The following COL12A1 variants were observed in gnomAD, a reference collection of about 807,000 sequenced individuals.
COL12A1 encodes the protein collagen alpha-1(XII) chain.
COL12A1 carries 114 observed loss-of-function variants against 349.7 expected under a neutral mutation model. The ratio of observed to expected loss-of-function variants is 0.33; its 90% CI spans 0.28 to 0.38. The LOEUF (loss-of-function observed/expected upper bound fraction) is 0.38. COL12A1 is among the 10% of genes least tolerant of loss of function. The pLI is 1.00. For missense variants in COL12A1, 3,284 were observed against 3,756.9 expected (o/e 0.87, Z 3.29); for synonymous variants, 1,369 against 1,329.0 (o/e 1.03, Z -0.66).
At chr6:75,087,054 A>G (rs1767533618) in intron 65 of COL12A1, 1 of 153,368 alleles carries the variant, frequency 6.5e-6, no homozygotes, top group African/African-American at 2.4e-5. Context: ...TACAATTGTC[A>G]AACACTAGAA....
At chr6:75,170,020 T>G (rs866678746) in intron 13 of COL12A1, among the ~76,000 whole-genome samples, 4 of 152,334 alleles carry the variant, frequency 2.6e-5, no homozygotes, top group Middle Eastern at 3.4e-3. Flanking sequence ...GATCTGAACA[T>G]CCTGAAGGGA....
At chr6:75,174,034 G>A (rs1768781097) in intron 13 of COL12A1, among the ~76,000 whole-genome samples, 1 of 152,126 alleles carries the variant, frequency 6.6e-6, no homozygotes, top group African/African-American at 2.4e-5. Flanking sequence ...AATTAAATTT[G>A]TATTTTCTCT....
rs2149395797 is a variant in COL12A1 at position 75,138,523 on chromosome 6, T to C, written c.5155A>G (p.Ile1719Val). 6.2e-7 allele frequency: 1 copy of C among 1,614,110 alleles called. No homozygotes were observed. The highest frequency in any genetic ancestry group is 8.5e-7 in the Non-Finnish European group (1 of 1,179,962). ...LVFENLNPNT[I>V]YEVSITAIYP... ...ATGGCAGTAATGGAAACTTCATAGA[T>C]GGTGTTGGGGTTCAGGTTTTCGAAC... Residue 1719 changes from isoleucine (I) to valine (V), a missense_variant, in exon 29 of 66, where the codon ATC (isoleucine) becomes GTC (valine). Ile to Val is a conservative substitution (Grantham distance 29). Transcript: ENST00000322507.
chr6:75,131,351 A>T (rs1188021424), intron 35 of COL12A1, among the ~76,000 whole-genome samples: 1 of 152,226 alleles, frequency 6.6e-6, no homozygotes, highest in African/African-American at 2.4e-5. Flanking sequence ...GTTGAAATAG[A>T]GACTCCATAC....
Position 75,189,334 on chromosome 6 carries a change from C to A in COL12A1, c.706G>T (p.Gly236Trp), listed in dbSNP as rs752768134. The change falls in exon 7 of 66, where the codon GGG (glycine) becomes TGG (tryptophan). Residue 236 changes from glycine to tryptophan, a missense_variant. Physicochemically the swap from Gly to Trp is radical, Grantham distance 184 (BLOSUM62 -2). Around this residue, in one of 2 missense-constraint regions of COL12A1, gnomAD observed 2,601 missense variants for 2,824.8 expected, o/e 0.92. Coordinates refer to ENST00000322507, the MANE Select transcript of COL12A1 (RefSeq NM_004370.6). The stretch of plus-strand genomic sequence containing the variant: ...ACTTTAGGAAAGCCAACTCTTGCCC[C>A]AGCAGATTCCGTGAAAGTATTTTTA... ...LVKNTFTESA[G>W]ARVGFPKVAI... 1.2e-6 allele frequency: 2 copies of A among 1,613,024 alleles called. No individual in the cohort carries two copies. Among genetic ancestry groups the A allele is most frequent in the South Asian group, 2.2e-5 (2 of 91,004 alleles).
chr6:75,151,768 G>A, intron 20 of COL12A1, 99 bp downstream of exon 20: 1 of 1,217,910 alleles, frequency 8.2e-7, no homozygotes, highest in Non-Finnish European at 1.1e-6. Context: ...GAAAAAAATG[G>A]GTATTTTTTT....
Position 75,151,155 on chromosome 6 carries a change from C to T in COL12A1, c.4133G>A (p.Ser1378Asn), listed in dbSNP as rs1033092764. The change falls in exon 21 of 66, where the codon AGT becomes AAT. Residue 1378 changes from serine (S) to asparagine (N), a missense_variant. Physicochemically the swap from Ser to Asn is conservative, Grantham distance 46. This residue lies in a region of COL12A1 where 2,601 missense variants were observed against 2,824.8 expected (regional missense o/e 0.92). Coordinates refer to ENST00000322507, the MANE Select transcript of COL12A1 (RefSeq NM_004370.6). The stretch of plus-strand genomic sequence containing the variant: ...GTTAAACTTACCTGGACCTTTGACA[C>T]TGTTACACAAATTAATGGTGAGATC... ...VDDLTINLCN[S>N]VKGPGDLEAP... is the part of the protein sequence containing the mutation. 1 of 1,581,528 alleles carries T rather than the reference C, an allele frequency of 6.3e-7. No homozygotes were observed. Among genetic ancestry groups the T allele is most frequent in the Non-Finnish European group, 8.6e-7 (1 of 1,160,096 alleles).
chr6:75,191,234 C>T (rs1403055887), intron 5 of COL12A1, among the ~76,000 whole-genome samples: 3 of 151,934 alleles, frequency 2.0e-5, no homozygotes, highest in Admixed American at 6.6e-5. Context: ...TAGAGAAGAG[C>T]ATAACATACA....
intron 26 of COL12A1, 78 bp downstream of exon 26, chr6:75,143,174 T>C: frequency 6.6e-7 from 1 of 1,509,792 alleles, no homozygotes; most frequent in Non-Finnish European, 9.1e-7. Flanking sequence ...CATGCTATCA[T>C]CCATACTTGA....
intron 8 of COL12A1, among the ~76,000 whole-genome samples, chr6:75,187,232 T>C (rs1769673971): frequency 2.7e-5 from 4 of 150,380 alleles, no homozygotes; most frequent in Admixed American, 2.7e-4. Flanking sequence ...AGATGCCACA[T>C]GGAAATCTGG....
intron 45 of COL12A1, 68 bp from the exon 46 acceptor site, chr6:75,119,254 A>T: frequency 1.9e-6 from 3 of 1,611,066 alleles, no homozygotes; most frequent in Non-Finnish European, 2.5e-6. Context: ...CATTAGTCAC[A>T]CCCAACTGAT....
chr6:75,204,762 G>A (rs1455939884), intron 1 of COL12A1, among the ~76,000 whole-genome samples: 3 of 151,898 alleles, frequency 2.0e-5, no homozygotes, highest in Admixed American at 6.6e-5. Context: ...CTTAACTCCC[G>A]CGTCCAGTTA....
At chr6:75,151,656 T>G (rs553638059) in intron 20 of COL12A1, among the ~76,000 whole-genome samples, 1 of 152,126 alleles carries the variant, frequency 6.6e-6, no homozygotes, top group Non-Finnish European at 1.5e-5. Context: ...TTCTTCTTGA[T>G]CTATTAATTT....
intron 51 of COL12A1, among the ~76,000 whole-genome samples, chr6:75,111,312 G>GA (rs1459236706): frequency 5.9e-5 from 9 of 151,694 alleles, no homozygotes; most frequent in Non-Finnish European, 1.3e-4. Flanking sequence ...CTTGTGAGGA[G>GA]AAAAAATAGG....
At chr6:75,147,581 A>G in intron 23 of COL12A1, 94 bp downstream of exon 23, 1 of 1,207,948 alleles carries the variant, frequency 8.3e-7, no homozygotes, top group Non-Finnish European at 1.2e-6. Context: ...TGAATGTTAA[A>G]TAAAGAAATT....
chr6:75,205,000 C>T (rs1202916012), intron 1 of COL12A1, among the ~76,000 whole-genome samples: 1 of 151,984 alleles, frequency 6.6e-6, no homozygotes, highest in Non-Finnish European at 1.5e-5. Flanking sequence ...CGAGGTCGCC[C>T]GCTTGGGGGT....
In COL12A1 at chr6:75,117,408, G is replaced by A. The variant is rs1439397288; in HGVS notation, c.7493C>T (p.Thr2498Ile). 6.2e-7 allele frequency: 1 copy of A among 1,613,438 alleles called. No individual in the cohort carries two copies. Among genetic ancestry groups the A allele is most frequent in the Admixed American group, 1.7e-5 (1 of 59,966 alleles). Residue 2498 changes from threonine to isoleucine, a missense_variant, in exon 47 of 66, where the codon ACA becomes ATA. This residue lies in a region of COL12A1 where 683 missense variants were observed against 932.1 expected (regional missense o/e 0.73). Transcript: ENST00000322507. ...SFEKIEDNLI[T>I]FVCETATSSC... ...TGAAGTGGCAGTTTCACAAACAAAT[G>A]TAATAAGATTGTCTTCGATCTTCTC...
intron 3 of COL12A1, among the ~76,000 whole-genome samples, chr6:75,193,815 G>T (rs1770080952): frequency 6.6e-6 from 1 of 151,576 alleles, no homozygotes; most frequent in South Asian, 2.1e-4. Context: ...CTATGAGTGA[G>T]AACATGCGGT....
At chr6:75,188,975 G>A (rs1468500574) in intron 7 of COL12A1, among the ~76,000 whole-genome samples, 3 of 152,098 alleles carry the variant, frequency 2.0e-5, no homozygotes, top group African/African-American at 7.2e-5. Flanking sequence ...TTGAAAAGTA[G>A]AGAGCTGGCA....
Sources: allele counts gnomAD v4.1 joint callset (sites outside exome capture counted in the v4.1 genomes callset), GRCh38; gene constraint gnomAD v4.1.1; regional missense constraint gnomAD v4.1.1; transcripts MANE v1.5; gene names NCBI Gene and HGNC (gene_info 2026-07-23, HGNC 2026-07-21).